GMFB: variants seen among roughly 807,000 people sequenced by gnomAD.
GMFB encodes GMF-beta.
In GMFB, 13 loss-of-function variants were observed where a neutral mutation model predicts 25.6. The observed-to-expected ratio is 0.51, with a 90% CI of 0.33 to 0.81. The LOEUF is 0.81. GMFB is among the 30% of genes least tolerant of loss of function. The pLI is 0.02. For missense variants in GMFB, 146 were observed against 175.4 expected (o/e 0.83, Z 0.95); for synonymous variants, 57 against 56.9 (o/e 1.00, Z 0.00).
intron 1 of GMFB, among the ~76,000 whole-genome samples, chr14:54,487,222 C>A (rs2031795202): frequency 6.6e-6 from 1 of 151,704 alleles, no homozygotes; most frequent in South Asian, 2.1e-4. Context: ...ATGGTGAAAC[C>A]CCGTCTCTAC....
intron 1 of GMFB, 195 bp downstream of exon 1, chr14:54,488,730 G>A (rs1453636960): frequency 2.0e-6 from 1 of 505,048 alleles, no homozygotes; most frequent in African/African-American, 2.0e-5. Context: ...CCAGCTGGAA[G>A]ATGCTGCCCT....
intron 5 of GMFB, chr14:54,480,602 T>C (rs1389847088): frequency 6.8e-6 from 2 of 293,108 alleles, no homozygotes; most frequent in Non-Finnish European, 1.3e-5. Flanking sequence ...TAGAATGTCA[T>C]CACGTTTCAA....
chr14:54,488,611 C>A, intron 1 of GMFB: 2 of 358,732 alleles, frequency 5.6e-6, no homozygotes, highest in East Asian at 4.2e-5. Flanking sequence ...ACCTACAGCT[C>A]AGAAGCTGAA....
rs2031647911 is a variant in GMFB at position 54,476,947 on chromosome 14, T to G, written c.*1141A>C. ...TAACAAGACTGGTTTAGTTAACTATTCAGGCATCCAGTTCAGAATATCTTC... is the reference window on the plus strand; with the variant it reads ...TAACAAGACTGGTTTAGTTAACTATGCAGGCATCCAGTTCAGAATATCTTC... On this transcript the variant is annotated 3_prime_UTR_variant, in exon 7 of 7. Transcript: ENST00000358056. 1 of 151,994 alleles carries G rather than the reference T, an allele frequency of 6.6e-6. No homozygotes were observed. Among genetic ancestry groups the G allele is most frequent in the Non-Finnish European group, 1.5e-5 (1 of 67,900 alleles). The allele number at this position is 151,994 out of a possible 1,614,324, so 9.4% of individuals were successfully genotyped here.
intron 4 of GMFB, 80 bp downstream of exon 4, chr14:54,481,329 T>C: frequency 1.1e-6 from 1 of 903,048 alleles, no homozygotes; most frequent in Non-Finnish European, 1.8e-6. Flanking sequence ...AGGATACTTT[T>C]AGATGTTTAA....
rs758317192 is a variant in GMFB at position 54,483,691 on chromosome 14, G to A, written c.80C>T (p.Thr27Met). The part of the protein sequence containing the change: ...KLRKFRFRKE[T>M]NNAAIIMKID... ...CTTACTTATAATAGCAGCGTTGTTCGTTTCTTTGCGAAAACGAAACTTTCT... is the reference window on the plus strand; with the variant it reads ...CTTACTTATAATAGCAGCGTTGTTCATTTCTTTGCGAAAACGAAACTTTCT... Residue 27 changes from threonine to methionine, a missense_variant, in exon 2 of 7, where the codon ACG becomes ATG. Physicochemically the swap from Thr to Met is moderately conservative, Grantham distance 81 (BLOSUM62 -1). Coordinates refer to ENST00000358056, the MANE Select transcript of GMFB (RefSeq NM_004124.3). 15 of 1,593,482 alleles carry A rather than the reference G, an allele frequency of 9.4e-6. No individual in the cohort carries two copies. Among genetic ancestry groups the A allele is most frequent in the Admixed American group, 3.3e-5 (2 of 59,826 alleles).
Position 54,478,163 on chromosome 14 carries a change from TAAAA to T in GMFB, c.358-8_358-5del. The T allele has an allele frequency of 5.7e-6, 5 of 876,540 alleles. No individual in the cohort carries two copies. The highest frequency in any genetic ancestry group is 8.0e-6 in the Non-Finnish European group (5 of 624,858). 54.3% of individuals were successfully genotyped at this position (876,540 alleles called of 1,614,324 possible). On this transcript the variant is annotated splice_polypyrimidine_tract_variant and splice_region_variant and intron_variant, in intron 6 of 6. Coordinates refer to ENST00000358056, the MANE Select transcript of GMFB (RefSeq NM_004124.3). ...CGGTATTTCTTATTTCAAATACCTT[TAAAA>T]AAAAAAAAAACTTGGGTCATACTTT...
chr14:54,483,942 T>C, intron 1 of GMFB, 175 bp from the exon 2 acceptor site: 2 of 689,360 alleles, frequency 2.9e-6, no homozygotes, highest in Admixed American at 4.0e-5. Context: ...CCTTTGGATC[T>C]ACATTGCTTA....
chr14:54,484,845 G>C (rs561533597), intron 1 of GMFB, among the ~76,000 whole-genome samples: 21 of 152,098 alleles, frequency 1.4e-4, no homozygotes, highest in African/African-American at 4.8e-4. Context: ...TGATCAAGTG[G>C]GATTATCCCA....
In GMFB at chr14:54,488,968, C is replaced by A. The variant is rs2031829280; in HGVS notation, c.-41G>T. 3.2e-6 allele frequency: 5 copies of A among 1,541,050 alleles called. No individual in the cohort carries two copies. The highest frequency in any genetic ancestry group is 4.4e-6 in the Non-Finnish European group (5 of 1,144,762). ...CAGCGGCCTGTCGCCTACACTCGGG[C>A]GCCTTTAAGAATGGCACGGCGGCCG... On this transcript the variant is annotated 5_prime_UTR_variant, in exon 1 of 7. Coordinates refer to ENST00000358056, the MANE Select transcript of GMFB (RefSeq NM_004124.3).
intron 3 of GMFB, 132 bp downstream of exon 3, chr14:54,482,021 C>T (rs535388621): frequency 1.6e-6 from 1 of 635,804 alleles, no homozygotes; most frequent in East Asian, 2.8e-5. Context: ...TTAGCACATG[C>T]TTTTATGCAT....
chr14:54,487,456 G>A (rs1037769365), intron 1 of GMFB, among the ~76,000 whole-genome samples: 23 of 151,808 alleles, frequency 1.5e-4, no homozygotes, highest in African/African-American at 5.1e-4. Flanking sequence ...AACGAACGGC[G>A]TGAACCAGGG....
rs762708121 is a variant in GMFB, at chr14:54,476,958, G to A, written c.*1130C>T. The A allele has an allele frequency of 1.3e-5, 2 of 151,934 alleles. No homozygotes were observed. Among genetic ancestry groups the A allele is most frequent in the Non-Finnish European group, 2.9e-5 (2 of 67,872 alleles). 9.4% of individuals were successfully genotyped at this position (151,934 alleles called of 1,614,324 possible). A position where few individuals can be genotyped will look rare whatever the true frequency, so the allele number is the denominator to read the frequency against. ...GTTTAGTTAACTATTCAGGCATCCA[G>A]TTCAGAATATCTTCTGACATTTAGG... On this transcript the variant is annotated 3_prime_UTR_variant, in exon 7 of 7. Coordinates refer to ENST00000358056, the MANE Select transcript of GMFB (RefSeq NM_004124.3).
chr14:54,475,636 C>T lies in GMFB; in HGVS notation c.*2452G>A, dbSNP rs2031628905. The T allele has an allele frequency of 6.6e-6, 1 of 152,522 alleles. No individual in the cohort carries two copies. 9.4% of individuals were successfully genotyped at this position (152,522 alleles called of 1,614,324 possible). A position where few individuals can be genotyped will look rare whatever the true frequency, so the allele number is the denominator to read the frequency against. ...TCAGCATAGTAACCTGAGAAGTTTT[C>T]TTCGTATGTATTTTTGTTGTCATGG... On this transcript the variant is annotated 3_prime_UTR_variant, in exon 7 of 7. Coordinates refer to ENST00000358056, the MANE Select transcript of GMFB (RefSeq NM_004124.3).
At chr14:54,478,189 C>T in intron 6 of GMFB, 30 bp from the exon 7 acceptor site, 1 of 788,610 alleles carries the variant, frequency 1.3e-6, no homozygotes, top group Non-Finnish European at 1.9e-6. Context: ...TTGGGTCATA[C>T]TTTGACACTC....
At chr14:54,483,938 G>T in intron 1 of GMFB, 171 bp from the exon 2 acceptor site, 1 of 690,494 alleles carries the variant, frequency 1.4e-6, no homozygotes, top group South Asian at 1.5e-5. Flanking sequence ...CCAACCTTTG[G>T]ATCTACATTG....
In GMFB at chr14:54,481,419, G is replaced by C; in HGVS notation, c.190C>G (p.Arg64Gly). Residue 64 changes from arginine to glycine, a missense_variant, in exon 4 of 7, where the codon CGA becomes GGA. By Grantham distance (125) the Arg-to-Gly change is moderately radical. Transcript: ENST00000358056. Reference protein sequence around the residue: ...PDELKDELPERQPRFIVYSYK... With the variant: ...PDELKDELPEGQPRFIVYSYK... ...CTAAGAAAAGGATATCGAGGTTGTC[G>C]TTCAGGTAGTTCATCTTTAAGTTCA... is the stretch of plus-strand genomic sequence containing the variant. 2.5e-6 allele frequency: 4 copies of C among 1,604,072 alleles called. No individual in the cohort carries two copies. Among genetic ancestry groups the C allele is most frequent in the Non-Finnish European group, 2.6e-6 (3 of 1,171,304 alleles).
In GMFB at chr14:54,477,829, T is replaced by C; in HGVS notation, c.*259A>G. 3.2e-6 allele frequency: 1 copy of C among 312,470 alleles called. No homozygotes were observed. 19.4% of individuals were successfully genotyped at this position (312,470 alleles called of 1,614,324 possible). A position where few individuals can be genotyped will look rare whatever the true frequency, so the allele number is the denominator to read the frequency against. The stretch of plus-strand genomic sequence containing the variant: ...ATTCCGAACCATAAGTTATAGAAAT[T>C]AGTCACAAGAGTGCAAAAAGTCCCT... On this transcript the variant is annotated 3_prime_UTR_variant, in exon 7 of 7. Coordinates refer to ENST00000358056, the MANE Select transcript of GMFB (RefSeq NM_004124.3).
chr14:54,487,869 G>A (rs542005779), intron 1 of GMFB, among the ~76,000 whole-genome samples: 6 of 152,288 alleles, frequency 3.9e-5, no homozygotes, highest in African/African-American at 1.4e-4. Flanking sequence ...ATGAAACCTG[G>A]GACTCCTTCG....
Sources: gnomAD v4.1 joint callset for allele counts (sites outside exome capture counted in the v4.1 genomes callset) on GRCh38, gnomAD v4.1.1 for gene constraint, MANE v1.5 for transcripts, NCBI Gene and HGNC (gene_info 2026-07-23, HGNC 2026-07-21) for gene names.